The following PRKN variants were observed in gnomAD, a reference collection of about 807,000 sequenced individuals.
PRKN encodes the protein E3 ubiquitin-protein ligase parkin.
Under a neutral mutation model 59.5 loss-of-function variants are expected in PRKN, and 56 were observed. The observed-to-expected ratio is 0.94, with a 90% CI of 0.76 to 1.18. PRKN has a LOEUF of 1.18. PRKN is among the 50% of genes most tolerant of loss of function. The pLI, the probability that PRKN is intolerant of heterozygous loss-of-function variation, is 0.00. For synonymous variants in PRKN, 250 were observed against 222.1 expected (o/e 1.13, Z -1.12); for missense variants, 657 against 596.4 (o/e 1.10, Z -1.06).
intron 5 of PRKN, among the ~76,000 whole-genome samples, chr6:161,986,236 ACT>A (rs1781431265): frequency 1.3e-5 from 2 of 152,114 alleles, no homozygotes; most frequent in Admixed American, 1.3e-4. Flanking sequence ...CTGAGCTGCT[ACT>A]CTCTGCCTGC....
chr6:161,394,414 C>T (rs1018911405), intron 9 of PRKN, among the ~76,000 whole-genome samples: 3 of 152,156 alleles, frequency 2.0e-5, no homozygotes, highest in Non-Finnish European at 4.4e-5. Context: ...TAAACAATGC[C>T]AATTAGTTTC....
intron 4 of PRKN, among the ~76,000 whole-genome samples, chr6:162,117,923 C>T (rs552583500): frequency 6.6e-5 from 10 of 151,966 alleles, no homozygotes; most frequent in African/African-American, 2.4e-4. Context: ...GTGGGGAAAC[C>T]TTGTCTCTAC....
intron 5 of PRKN, among the ~76,000 whole-genome samples, chr6:162,011,933 G>T (rs954403755): frequency 1.3e-5 from 2 of 151,956 alleles, no homozygotes; most frequent in South Asian, 2.1e-4. Context: ...GGATAGCAGA[G>T]ATTTAGGTAG....
chr6:162,464,936 T>C (rs1185696337), intron 1 of PRKN, among the ~76,000 whole-genome samples: 1 of 152,086 alleles, frequency 6.6e-6, no homozygotes, highest in Non-Finnish European at 1.5e-5. Flanking sequence ...CATTTGCTCC[T>C]CCACTAAAAA....
intron 4 of PRKN, among the ~76,000 whole-genome samples, chr6:162,170,950 ATAAC>A (rs1449148849): frequency 6.6e-6 from 1 of 152,234 alleles, no homozygotes; most frequent in Non-Finnish European, 1.5e-5. Context: ...ACATATGAAA[ATAAC>A]TATCCATTCA....
At chr6:162,726,872 C>G (rs1300949038) in intron 1 of PRKN, among the ~76,000 whole-genome samples, 1 of 152,130 alleles carries the variant, frequency 6.6e-6, no homozygotes, top group Non-Finnish European at 1.5e-5. Context: ...GGGATAGCCC[C>G]TAAAGTAACT....
intron 1 of PRKN, among the ~76,000 whole-genome samples, chr6:162,522,404 G>A (rs112333465): frequency 2.0e-5 from 3 of 152,328 alleles, no homozygotes; most frequent in African/African-American, 4.8e-5. Flanking sequence ...GATTAGTGGC[G>A]TGAGCCACTG....
chr6:162,501,812 C>T (rs1793388837), intron 1 of PRKN, among the ~76,000 whole-genome samples: 1 of 152,056 alleles, frequency 6.6e-6, no homozygotes, highest in African/African-American at 2.4e-5. Flanking sequence ...CGGAGTGGCA[C>T]CCTTGAAGAT....
At chr6:162,564,277 A>T (rs1236908388) in intron 1 of PRKN, among the ~76,000 whole-genome samples, 1 of 152,002 alleles carries the variant, frequency 6.6e-6, no homozygotes, top group Non-Finnish European at 1.5e-5. Context: ...TCAGGGAGGC[A>T]GAGGTTGCAG....
At chr6:162,525,752 A>G (rs2128194775) in intron 1 of PRKN, among the ~76,000 whole-genome samples, 1 of 152,330 alleles carries the variant, frequency 6.6e-6, no homozygotes, top group South Asian at 2.1e-4. Context: ...GAATAAATAA[A>G]TGAATGACTC....
At chr6:162,332,690 A>G (rs929197769) in intron 2 of PRKN, among the ~76,000 whole-genome samples, 3 of 152,180 alleles carry the variant, frequency 2.0e-5, no homozygotes, top group Admixed American at 2.0e-4. Flanking sequence ...AATAACCAAT[A>G]GCAAATCTTG....
At chr6:162,468,654 T>C (rs1001020111) in intron 1 of PRKN, among the ~76,000 whole-genome samples, 20 of 152,220 alleles carry the variant, frequency 1.3e-4, no homozygotes, top group African/African-American at 4.3e-4. Context: ...CTTAAGCATG[T>C]TCAACAGCTC....
intron 9 of PRKN, among the ~76,000 whole-genome samples, chr6:161,441,005 C>G (rs1789188348): frequency 6.6e-6 from 1 of 152,132 alleles, no homozygotes; most frequent in African/African-American, 2.4e-5. Flanking sequence ...GAGGATTTTC[C>G]TAACAAAAAT....
chr6:161,834,350 G>A (rs1388956570), intron 6 of PRKN, among the ~76,000 whole-genome samples: 5 of 152,034 alleles, frequency 3.3e-5, no homozygotes, highest in South Asian at 2.1e-4. Flanking sequence ...ACTCTTAAAC[G>A]GGTCAGGCTT....
At chr6:162,339,209 C>T (rs1383066870) in intron 2 of PRKN, among the ~76,000 whole-genome samples, 13 of 147,680 alleles carry the variant, frequency 8.8e-5, no homozygotes, top group African/African-American at 2.3e-4. Context: ...GGAGCGTCTC[C>T]GCCCGGCAGC....
chr6:161,767,472 A>G (rs996722097), intron 7 of PRKN, among the ~76,000 whole-genome samples: 3 of 151,130 alleles, frequency 2.0e-5, no homozygotes, highest in South Asian at 2.1e-4. Flanking sequence ...AGCCAAGATC[A>G]GGCCACTGCA....
chr6:161,673,044 A>G (rs1230715290), intron 7 of PRKN, among the ~76,000 whole-genome samples: 1 of 152,176 alleles, frequency 6.6e-6, no homozygotes, highest in Non-Finnish European at 1.5e-5. Flanking sequence ...CTGATGAACC[A>G]CACAGTGAAT....
intron 1 of PRKN, 119 bp downstream of exon 1, chr6:162,727,543 A>T: frequency 1.8e-6 from 2 of 1,130,812 alleles, no homozygotes; most frequent in Non-Finnish European, 2.6e-6. Context: ...CGGCACGGGC[A>T]CTTTGGCCCC....
intron 9 of PRKN, among the ~76,000 whole-genome samples, chr6:161,474,681 G>A (rs1790978648): frequency 6.6e-6 from 1 of 150,792 alleles, no homozygotes; most frequent in Non-Finnish European, 1.5e-5. Flanking sequence ...TGCAAGCTCC[G>A]CCTCGTGGGT....
Sources: gnomAD v4.1 joint callset for allele counts (sites outside exome capture counted in the v4.1 genomes callset) on GRCh38, gnomAD v4.1.1 for gene constraint, MANE v1.5 for transcripts, NCBI Gene and HGNC (gene_info 2026-07-23, HGNC 2026-07-21) for gene names.